The following MAD1L1 variants were observed in gnomAD, a reference collection of about 807,000 sequenced individuals.
The protein encoded by MAD1L1 is mitotic spindle assembly checkpoint protein MAD1.
Under a neutral mutation model 96.9 loss-of-function variants are expected in MAD1L1, and 95 were observed. That is an observed-to-expected ratio of 0.98 (90% CI 0.83 to 1.16). MAD1L1 has a LOEUF of 1.16. Among genes scored for constraint, MAD1L1 ranks in the 50% most tolerant of loss-of-function variants. The pLI is 0.00. For missense variants in MAD1L1, 1,007 were observed against 954.4 expected (o/e 1.06, Z -0.73); for synonymous variants, 473 against 396.6 (o/e 1.19, Z -2.29).
chr7:1,843,806 A>AC (rs1457811781), intron 18 of MAD1L1, among the ~76,000 whole-genome samples: 10 of 152,102 alleles, frequency 6.6e-5, no homozygotes, highest in African/African-American at 2.4e-4. Flanking sequence ...TTCACCTCCT[A>AC]CCCAGACAGC....
At chr7:1,967,790 G>T (rs1780230089) in intron 15 of MAD1L1, among the ~76,000 whole-genome samples, 1 of 152,216 alleles carries the variant, frequency 6.6e-6, no homozygotes, top group Non-Finnish European at 1.5e-5. Flanking sequence ...AGCGAAACAA[G>T]TCCCGCTGCA....
At chr7:1,970,325 T>TTTTTAC (rs1562571230) in intron 15 of MAD1L1, among the ~76,000 whole-genome samples, 2 of 150,194 alleles carry the variant, frequency 1.3e-5, no homozygotes, top group Non-Finnish European at 3.0e-5. Flanking sequence ...ATAATTTTAA[T>TTTTTAC]TTTTACTTTT....
intron 17 of MAD1L1, among the ~76,000 whole-genome samples, chr7:1,919,079 C>T (rs776421245): frequency 4.6e-5 from 7 of 152,256 alleles, no homozygotes; most frequent in East Asian, 1.9e-4. Flanking sequence ...CTCCTCCTAT[C>T]GTTCAGTCCC....
At chr7:2,064,561 C>G (rs1414373267) in intron 12 of MAD1L1, among the ~76,000 whole-genome samples, 1 of 151,954 alleles carries the variant, frequency 6.6e-6, no homozygotes, top group East Asian at 1.9e-4. Context: ...CCCCGGAGGA[C>G]AGAGGATTCT....
chr7:1,983,648 A>G (rs1019819700), intron 14 of MAD1L1, among the ~76,000 whole-genome samples: 2 of 152,172 alleles, frequency 1.3e-5, no homozygotes, highest in African/African-American at 4.8e-5. Context: ...AAACTTCTCA[A>G]TCTTATGTGC....
chr7:1,998,249 CAA>C (rs1180223969), intron 14 of MAD1L1, among the ~76,000 whole-genome samples: 2 of 152,168 alleles, frequency 1.3e-5, no homozygotes, highest in Non-Finnish European at 2.9e-5. Flanking sequence ...TCTCTCCCCA[CAA>C]AAGAGGACTG....
chr7:1,827,544 G>GTCCTCCCCTCCT (rs1782473919), intron 18 of MAD1L1, among the ~76,000 whole-genome samples: 2 of 127,152 alleles, frequency 1.6e-5, no homozygotes, highest in Non-Finnish European at 1.8e-5. Flanking sequence ...CGGGTGTGGG[G>GTCCTCCCCTCCT]GCCTCCCCTC....
At chr7:1,937,484 G>A (rs1016857862) in intron 16 of MAD1L1, among the ~76,000 whole-genome samples, 1 of 152,160 alleles carries the variant, frequency 6.6e-6, no homozygotes, top group Non-Finnish European at 1.5e-5. Flanking sequence ...AGTGCGCCTG[G>A]AGGCCCAGCC....
At chr7:1,887,848 C>CAT (rs1786199907) in intron 18 of MAD1L1, among the ~76,000 whole-genome samples, 2 of 85,174 alleles carry the variant, frequency 2.3e-5, no homozygotes, top group Admixed American at 9.8e-5. Flanking sequence ...GCGTCCTGTG[C>CAT]GTGTGTGTGT....
At chr7:2,135,551 CT>C (rs1030943169) in intron 11 of MAD1L1, among the ~76,000 whole-genome samples, 1 of 152,120 alleles carries the variant, frequency 6.6e-6, no homozygotes, top group African/African-American at 2.4e-5. Flanking sequence ...AATAAAAACT[CT>C]TTGTTTTCGG....
At chr7:2,093,714 G>A (rs1166232815) in intron 11 of MAD1L1, among the ~76,000 whole-genome samples, 4 of 152,088 alleles carry the variant, frequency 2.6e-5, no homozygotes, top group South Asian at 4.2e-4. Flanking sequence ...AGACAGCTCC[G>A]TCTCATCCAC....
intron 10 of MAD1L1, among the ~76,000 whole-genome samples, chr7:2,187,479 G>A (rs552410314): frequency 5.3e-5 from 8 of 152,174 alleles, no homozygotes; most frequent in Non-Finnish European, 1.0e-4. Context: ...GGGGCACCAC[G>A]TGGGGTCTCG....
intron 11 of MAD1L1, among the ~76,000 whole-genome samples, chr7:2,091,571 C>G (rs757257588): frequency 1.3e-5 from 2 of 152,158 alleles, no homozygotes; most frequent in African/African-American, 2.4e-5. Flanking sequence ...GTCAGGAGAT[C>G]GAGACCATAC....
At position 2,136,054 on chromosome 7, in the gene MAD1L1, C is replaced by T. The variant is rs138049408; in HGVS notation, c.1073+13098G>A. 7.2e-4 allele frequency among the ~76,000 whole-genome samples: 110 copies of T among 152,228 alleles called. 1 individual carries two copies. The highest frequency in any genetic ancestry group is 2.6e-3 in the African/African-American group (107 of 41,538). ...TTCCTTCTCCTAGAGCCCCTATGTCCACTCCAAGCTCAATGAGACAGAAAC... is the reference window on the plus strand; with the variant it reads ...TTCCTTCTCCTAGAGCCCCTATGTCTACTCCAAGCTCAATGAGACAGAAAC... On this transcript the variant is annotated intron_variant, in intron 11 of 18. Transcript: ENST00000265854.
intron 18 of MAD1L1, among the ~76,000 whole-genome samples, chr7:1,859,037 G>A (rs897251237): frequency 2.4e-5 from 2 of 81,940 alleles, no homozygotes; most frequent in African/African-American, 5.8e-5. Flanking sequence ...TGGAGGGATG[G>A]AGCAGACCTC....
chr7:2,162,103 T>C (rs1343311556), intron 10 of MAD1L1, among the ~76,000 whole-genome samples: 3 of 152,106 alleles, frequency 2.0e-5, no homozygotes, highest in African/African-American at 4.8e-5. Context: ...CAACAGCTCA[T>C]TGAGAACGGG....
At chr7:2,121,506 C>T (rs752290135) in intron 11 of MAD1L1, among the ~76,000 whole-genome samples, 28 of 152,238 alleles carry the variant, frequency 1.8e-4, no homozygotes, top group Non-Finnish European at 3.7e-4. Context: ...CAGGTGCTCA[C>T]TGACACTGTC....
In MAD1L1 at chr7:2,221,065, G is replaced by A. The variant is rs112537386; in HGVS notation, c.471+1510C>T. 4.9e-5 allele frequency: 78 copies of A among 1,594,272 alleles called. 1 individual carries two copies. In the African/African-American group the frequency reaches 5.8e-4, roughly 12 times the overall value. ...AGTCAAGGCCTAGTGCGCAGGGAGG[G>A]CTTCCCTGAGGAGCGGCCACCTCGG... On this transcript the variant is annotated intron_variant, in intron 5 of 18. Transcript: ENST00000265854.
chr7:1,906,393 C>A (rs1367780762), intron 17 of MAD1L1, among the ~76,000 whole-genome samples: 1 of 152,212 alleles, frequency 6.6e-6, no homozygotes, highest in African/African-American at 2.4e-5. Flanking sequence ...CTGCTGGGTG[C>A]CCCGGCCTGG....
Sources: gnomAD v4.1 joint callset for allele counts (sites outside exome capture counted in the v4.1 genomes callset) on GRCh38, gnomAD v4.1.1 for gene constraint, MANE v1.5 for transcripts, NCBI Gene and HGNC (gene_info 2026-07-23, HGNC 2026-07-21) for gene names.